The following PPP2R3A variants were observed in gnomAD, a reference collection of about 807,000 sequenced individuals.
The protein encoded by PPP2R3A is protein phosphatase 2 regulatory subunit B''alpha, also known as serine/threonine-protein phosphatase 2A regulatory subunit B'' subunit alpha.
PPP2R3A carries 80 observed loss-of-function variants against 106.9 expected under a neutral mutation model. The ratio of observed to expected loss-of-function variants is 0.75; its 90% CI spans 0.62 to 0.90. The LOEUF (loss-of-function observed/expected upper bound fraction) is 0.90, where lower values mean the gene tolerates loss of function less well. Ranked by LOEUF, PPP2R3A falls within the 40% of genes least tolerant of loss-of-function variation. The pLI, the probability that PPP2R3A is intolerant of heterozygous loss-of-function variation, is 0.00. For missense variants in PPP2R3A, 1,386 were observed against 1,350.4 expected (o/e 1.03, Z -0.41); for synonymous variants, 483 against 468.3 (o/e 1.03, Z -0.41).
chr3:136,087,934 A>G lies in PPP2R3A; in HGVS notation c.2837+3A>G, dbSNP rs778479412. On this transcript the variant is annotated splice_donor_region_variant and intron_variant, in intron 9 of 13. Transcript: ENST00000264977. Reference sequence around the variant, plus strand: ...ATATTCTCTGGTGCAGTAACAAGGTAAGAAAACGTTTAATGCTGTGTTTAA... The same window carrying G: ...ATATTCTCTGGTGCAGTAACAAGGTGAGAAAACGTTTAATGCTGTGTTTAA... 6.2e-7 allele frequency: 1 copy of G among 1,603,192 alleles called. No individual in the cohort carries two copies. Among genetic ancestry groups the G allele is most frequent in the Admixed American group, 1.7e-5 (1 of 59,822 alleles).
chr3:136,116,324 A>G (rs973111764), intron 13 of PPP2R3A, among the ~76,000 whole-genome samples: 2 of 152,214 alleles, frequency 1.3e-5, no homozygotes, highest in African/African-American at 4.8e-5. Flanking sequence ...CTACAAAGAA[A>G]CTGCATCAAC....
At chr3:136,129,463 C>T (rs1938316068) in intron 13 of PPP2R3A, among the ~76,000 whole-genome samples, 1 of 152,072 alleles carries the variant, frequency 6.6e-6, no homozygotes, top group South Asian at 2.1e-4. Flanking sequence ...CAAGACTAAA[C>T]CAGGAAGAAG....
At chr3:136,068,013 C>G (rs1204914464) in intron 5 of PPP2R3A, among the ~76,000 whole-genome samples, 2 of 152,128 alleles carry the variant, frequency 1.3e-5, no homozygotes, top group Non-Finnish European at 2.9e-5. Context: ...TCGCTTGAGC[C>G]CAGGAGTTCG....
intron 1 of PPP2R3A, among the ~76,000 whole-genome samples, chr3:135,985,470 G>A (rs1460565503): frequency 6.6e-6 from 1 of 151,124 alleles, no homozygotes; most frequent in East Asian, 2.0e-4. Flanking sequence ...CCTACCTAAG[G>A]AATACAAGCC....
rs778202995 is a variant in PPP2R3A, at chr3:136,069,056, A to G, written c.2470-1422A>G. On this transcript the variant is annotated intron_variant, in intron 5 of 13. Coordinates refer to ENST00000264977, the MANE Select transcript of PPP2R3A (RefSeq NM_002718.5). Reference sequence around the variant, plus strand: ...AGACTAACGAACTTTCACAGATTGGAAGAGACCAGTGAGACACAAAAGCTA... The same window carrying G: ...AGACTAACGAACTTTCACAGATTGGGAGAGACCAGTGAGACACAAAAGCTA... Among the ~76,000 whole-genome samples the G allele has an allele frequency of 4.5e-4, 69 of 152,324 alleles. No individual in the cohort carries two copies. The Middle Eastern group carries it at 0.01, about 23-fold the overall frequency.
At chr3:136,047,904 CAA>C (rs1168406998) in intron 4 of PPP2R3A, among the ~76,000 whole-genome samples, 14 of 104,700 alleles carry the variant, frequency 1.3e-4, no homozygotes, top group Admixed American at 1.0e-4. Context: ...GACTCCGTCT[CAA>C]AAAAAAAAAA....
intron 13 of PPP2R3A, among the ~76,000 whole-genome samples, chr3:136,111,653 A>T (rs866905706): frequency 4.0e-4 from 58 of 145,714 alleles, no homozygotes; most frequent in Middle Eastern, 7.0e-3. Flanking sequence ...ATCAGTAATT[A>T]AAAAAAAAAA....
chr3:136,073,254 A>G (rs1936493920), intron 6 of PPP2R3A, among the ~76,000 whole-genome samples: 1 of 152,200 alleles, frequency 6.6e-6, no homozygotes, highest in Non-Finnish European at 1.5e-5. Flanking sequence ...GGCATGAGCC[A>G]CCGCACCCAG....
intron 10 of PPP2R3A, among the ~76,000 whole-genome samples, chr3:136,093,707 A>G (rs1937151217): frequency 6.6e-6 from 1 of 152,188 alleles, no homozygotes; most frequent in African/African-American, 2.4e-5. Flanking sequence ...ATGAGATACC[A>G]CTTCACACTA....
intron 13 of PPP2R3A, among the ~76,000 whole-genome samples, chr3:136,143,259 G>C (rs780803771): frequency 4.7e-4 from 72 of 151,992 alleles, no homozygotes; most frequent in Non-Finnish European, 4.6e-4. Flanking sequence ...GAGGCTGATG[G>C]GGGTGGATCA....
chr3:136,116,952 A>T (rs551719916), intron 13 of PPP2R3A, among the ~76,000 whole-genome samples: 2 of 152,356 alleles, frequency 1.3e-5, no homozygotes, highest in East Asian at 3.9e-4. Flanking sequence ...TCAACACCAC[A>T]TCGCACTTAT....
At chr3:136,056,481 TA>T (rs58363811) in intron 5 of PPP2R3A, among the ~76,000 whole-genome samples, 3,574 of 149,300 alleles carry the variant, frequency 0.024, 141 homozygotes, top group African/African-American at 0.082. Context: ...AAAACTATTC[TA>T]AAAAAAAAAA....
At chr3:136,061,495 G>A (rs1218564927) in intron 5 of PPP2R3A, among the ~76,000 whole-genome samples, 1 of 152,144 alleles carries the variant, frequency 6.6e-6, no homozygotes, top group African/African-American at 2.4e-5. Flanking sequence ...GGGTGTGGTG[G>A]CACGTACCTA....
intron 2 of PPP2R3A, chr3:136,023,073 A>G (rs2107816783): frequency 6.2e-7 from 1 of 1,613,084 alleles, no homozygotes; most frequent in Non-Finnish European, 8.5e-7. Flanking sequence ...TTCAAAGATG[A>G]TGATCAAGGA....
chr3:135,977,516 T>A (rs1222841336), intron 1 of PPP2R3A, among the ~76,000 whole-genome samples: 3 of 152,190 alleles, frequency 2.0e-5, no homozygotes, highest in Non-Finnish European at 4.4e-5. Context: ...TAATTGTTTT[T>A]AGTTGCATTT....
intron 1 of PPP2R3A, among the ~76,000 whole-genome samples, chr3:135,974,740 G>A (rs1030828946): frequency 1.3e-5 from 2 of 152,214 alleles, no homozygotes; most frequent in Admixed American, 6.5e-5. Flanking sequence ...CCTAGACTGA[G>A]CACTAAGGCT....
intron 13 of PPP2R3A, chr3:136,106,757 A>T (rs1937524522): frequency 6.2e-6 from 1 of 162,454 alleles, no homozygotes; most frequent in Admixed American, 6.2e-5. Context: ...CCCTGTCTCC[A>T]CTAAAAATAC....
intron 5 of PPP2R3A, among the ~76,000 whole-genome samples, chr3:136,063,075 A>C (rs1196095564): frequency 6.6e-6 from 1 of 152,224 alleles, no homozygotes. Flanking sequence ...AAACAGAGAT[A>C]TAGACCAATG....
intron 12 of PPP2R3A, among the ~76,000 whole-genome samples, chr3:136,104,006 A>G (rs1297680168): frequency 5.9e-5 from 9 of 152,172 alleles, no homozygotes; most frequent in Non-Finnish European, 4.4e-5. Flanking sequence ...TGTTCTTACC[A>G]TTCCTCTAAG....
Sources: allele counts gnomAD v4.1 joint callset (sites outside exome capture counted in the v4.1 genomes callset), GRCh38; gene constraint gnomAD v4.1.1; transcripts MANE v1.5; gene names NCBI Gene and HGNC (gene_info 2026-07-23, HGNC 2026-07-21).